Variants in CDH20 observed in about 807,000 individuals in gnomAD.
CDH20 encodes the protein cadherin 20, also known as cadherin-20.
A neutral mutation model predicts 74.2 loss-of-function variants in CDH20; 29 were observed. That is an observed-to-expected ratio of 0.39 (90% CI 0.29 to 0.53). CDH20 has a LOEUF of 0.53. CDH20 is among the 20% of genes least tolerant of loss of function. The pLI is 0.69. For missense variants in CDH20, 988 were observed against 1,048.3 expected (o/e 0.94, Z 0.79); for synonymous variants, 469 against 405.4 (o/e 1.16, Z -1.88).
chr18:61,453,788 G>A (rs1909478640), intron 1 of CDH20, among the ~76,000 whole-genome samples: 1 of 152,120 alleles, frequency 6.6e-6, no homozygotes, highest in Non-Finnish European at 1.5e-5. Flanking sequence ...CATATTTTTG[G>A]GTAAACATGT....
At chr18:61,493,085 A>G (rs1408964466) in intron 2 of CDH20, among the ~76,000 whole-genome samples, 2 of 152,228 alleles carry the variant, frequency 1.3e-5, no homozygotes, top group Admixed American at 6.5e-5. Flanking sequence ...GGAGTTCATT[A>G]TGGGAACTCA....
intron 1 of CDH20, among the ~76,000 whole-genome samples, chr18:61,428,004 T>C (rs1206016716): frequency 6.6e-6 from 1 of 152,188 alleles, no homozygotes. Flanking sequence ...AGGATAAAGA[T>C]ATAGCCCCCT....
intron 1 of CDH20, among the ~76,000 whole-genome samples, chr18:61,489,853 G>T (rs666994): frequency 0.99 from 150,962 of 152,168 alleles, 74,899 homozygotes; most frequent in Middle Eastern, 1. Flanking sequence ...TCAGAAGTGA[G>T]CCCTGGCTGC....
At chr18:61,442,306 G>A (rs183884713) in intron 1 of CDH20, among the ~76,000 whole-genome samples, 199 of 148,878 alleles carry the variant, frequency 1.3e-3, no homozygotes, top group Admixed American at 1.8e-3. Context: ...AACTAAGATC[G>A]CACCACTGTA....
chr18:61,452,890 A>C (rs1247386907), intron 1 of CDH20, among the ~76,000 whole-genome samples: 1 of 152,206 alleles, frequency 6.6e-6, no homozygotes, highest in African/African-American at 2.4e-5. Flanking sequence ...ATTTTAAAAA[A>C]TTCAAACAAA....
chr18:61,484,737 CCACACACA>C (rs36203080), intron 1 of CDH20, among the ~76,000 whole-genome samples: 6,811 of 146,206 alleles, frequency 0.047, 240 homozygotes, highest in African/African-American at 0.087. Context: ...TTGCTCTACT[CCACACACA>C]CACACACACA....
chr18:61,533,517 A>G (rs1418105719), intron 7 of CDH20, among the ~76,000 whole-genome samples: 1 of 152,162 alleles, frequency 6.6e-6, no homozygotes, highest in Non-Finnish European at 1.5e-5. Flanking sequence ...TGAGTTATTT[A>G]TATATTTTGG....
chr18:61,446,980 C>T (rs1314488470), intron 1 of CDH20, among the ~76,000 whole-genome samples: 4 of 152,180 alleles, frequency 2.6e-5, no homozygotes, highest in African/African-American at 7.2e-5. Flanking sequence ...CAATATCCAA[C>T]GTTTTTCAAT....
At chr18:61,412,689 T>A (rs1455825889) in intron 1 of CDH20, among the ~76,000 whole-genome samples, 1 of 152,196 alleles carries the variant, frequency 6.6e-6, no homozygotes, top group African/African-American at 2.4e-5. Flanking sequence ...GCTCAAGTGT[T>A]ATAATCAAGC....
intron 5 of CDH20, among the ~76,000 whole-genome samples, chr18:61,506,174 A>G (rs551594626): frequency 4.6e-5 from 7 of 152,386 alleles, no homozygotes; most frequent in African/African-American, 1.7e-4. Context: ...GTTTAAACAT[A>G]TAACATAGCT....
At chr18:61,380,891 C>T (rs1337248820) in intron 1 of CDH20, among the ~76,000 whole-genome samples, 2 of 152,138 alleles carry the variant, frequency 1.3e-5, no homozygotes, top group Admixed American at 6.6e-5. Context: ...GCATATATTG[C>T]TGAAGTAATA....
At chr18:61,391,567 C>G (rs1262305474) in intron 1 of CDH20, 1 of 152,158 alleles carries the variant, frequency 6.6e-6, no homozygotes, top group Non-Finnish European at 1.5e-5. Context: ...TGGAGATCAA[C>G]ATTTTTGAAA....
chr18:61,537,571 T>C (rs1292267499), intron 8 of CDH20, among the ~76,000 whole-genome samples: 1 of 152,240 alleles, frequency 6.6e-6, no homozygotes, highest in African/African-American at 2.4e-5. Context: ...TCAATCTTTC[T>C]ATTTTGCTTA....
intron 6 of CDH20, among the ~76,000 whole-genome samples, chr18:61,509,461 T>C (rs562732656): frequency 1.3e-5 from 2 of 152,074 alleles, no homozygotes; most frequent in African/African-American, 2.4e-5. Flanking sequence ...TGCAAAGGCT[T>C]TGAGGTGGGA....
chr18:61,528,285 T>A, intron 7 of CDH20, 65 bp downstream of exon 7: 2 of 1,518,144 alleles, frequency 1.3e-6, no homozygotes, highest in Non-Finnish European at 1.8e-6. Flanking sequence ...TATGTAATTT[T>A]CTAGCACTTT....
intron 8 of CDH20, among the ~76,000 whole-genome samples, 154 bp from the exon 9 acceptor site, chr18:61,538,870 G>A (rs547806113): frequency 6.6e-6 from 1 of 151,960 alleles, no homozygotes; most frequent in East Asian, 1.9e-4. Context: ...CTGACATCGT[G>A]ATCCTCCCGC....
intron 9 of CDH20, among the ~76,000 whole-genome samples, chr18:61,542,010 A>G (rs1235580104): frequency 1.3e-5 from 2 of 152,194 alleles, no homozygotes; most frequent in Non-Finnish European, 2.9e-5. Context: ...AAGCCCTGTA[A>G]GCAACCAGCT....
At chr18:61,340,612 A>AATAT (rs1909917454) in intron 1 of CDH20, among the ~76,000 whole-genome samples, 1 of 152,232 alleles carries the variant, frequency 6.6e-6, no homozygotes, top group East Asian at 1.9e-4. Flanking sequence ...TATTTATACA[A>AATAT]ATCTTTGGTC....
intron 1 of CDH20, among the ~76,000 whole-genome samples, chr18:61,394,017 C>T (rs1911880203): frequency 6.6e-6 from 1 of 152,184 alleles, no homozygotes; most frequent in Admixed American, 6.5e-5. Flanking sequence ...GATGGCGTCT[C>T]ACTTACAGCA....
Sources: gnomAD v4.1 joint callset for allele counts (sites outside exome capture counted in the v4.1 genomes callset) on GRCh38, gnomAD v4.1.1 for gene constraint, MANE v1.5 for transcripts, NCBI Gene and HGNC (gene_info 2026-07-23, HGNC 2026-07-21) for gene names.